The following GALNT6 variants were observed in gnomAD, a reference collection of about 807,000 sequenced individuals.
GALNT6 encodes GalNAc transferase 6.
In GALNT6, 51 loss-of-function variants were observed where a neutral mutation model predicts 65.9. The ratio of observed to expected loss-of-function variants is 0.77; its 90% CI spans 0.62 to 0.98. The LOEUF (loss-of-function observed/expected upper bound fraction) is 0.98, where lower values mean the gene tolerates loss of function less well. Among genes scored for constraint, GALNT6 ranks in the 50% least tolerant of loss-of-function variants. The pLI, the probability that GALNT6 is intolerant of heterozygous loss-of-function variation, is 0.00. For missense variants in GALNT6, 708 were observed against 803.3 expected, an observed-to-expected ratio of 0.88 and a Z score of 1.43; for synonymous variants, 323 against 315.1, an observed-to-expected ratio of 1.02 and a Z score of -0.26.
At chr12:51,371,230 C>T (rs1325287197) in intron 4 of GALNT6, among the ~76,000 whole-genome samples, 1 of 151,900 alleles carries the variant, frequency 6.6e-6, no homozygotes, top group Non-Finnish European at 1.5e-5. Context: ...ATTACAGGTG[C>T]CCACCACCAT....
chr12:51,360,331 A>C (rs1035890916), intron 7 of GALNT6: 1 of 155,098 alleles, frequency 6.4e-6, no homozygotes, highest in African/African-American at 2.4e-5. Context: ...TTTTCCAGAA[A>C]AAGGATGATG....
At position 51,362,766 on chromosome 12, in the gene GALNT6, G is replaced by A. The variant is rs560527933; in HGVS notation, c.1049+1355C>T. On this transcript the variant is annotated intron_variant, in intron 6 of 11. Coordinates refer to ENST00000356317, the MANE Select transcript of GALNT6 (RefSeq NM_007210.4). ...TTTCCTTTCCCTCTCTCCTTCTAAT[G>A]GAGACAGAGCAGCTGGCTGTTCAGG... Among the ~76,000 whole-genome samples, 3 of 152,164 alleles carry A rather than the reference G, an allele frequency of 2.0e-5. No homozygotes were observed. In the East Asian group the frequency reaches 5.8e-4, roughly 29 times the overall value.
In GALNT6 at chr12:51,359,201, C is replaced by G. The variant is rs758987497; in HGVS notation, c.1299G>C (p.Glu433Asp). The change falls in exon 8 of 12, where the codon GAG becomes GAC. Residue 433 changes from glutamate (E) to aspartate (D), a missense_variant. Physicochemically the swap from Glu to Asp is conservative, Grantham distance 45. Coordinates refer to ENST00000356317, the MANE Select transcript of GALNT6 (RefSeq NM_007210.4). ...VIARNQVRLAEVWMDSYKKIF... is the reference protein window; with the variant it reads ...VIARNQVRLADVWMDSYKKIF... ...TCTTCTTGTAGCTGTCCATCCAGACCTCTGCCAGGCGCACTTGATTGCGAG... is the reference window on the plus strand; with the variant it reads ...TCTTCTTGTAGCTGTCCATCCAGACGTCTGCCAGGCGCACTTGATTGCGAG... The G allele has an allele frequency of 6.2e-7, 1 of 1,614,198 alleles. No individual in the cohort carries two copies. The highest frequency in any genetic ancestry group is 8.5e-7 in the Non-Finnish European group (1 of 1,180,026).
At position 51,364,327 on chromosome 12, in the gene GALNT6, G is replaced by A. The variant is rs921437758; in HGVS notation, c.843C>T (p.Pro281=). 31 of 1,614,044 alleles carry A rather than the reference G, an allele frequency of 1.9e-5. No individual in the cohort carries two copies. Among genetic ancestry groups the A allele is most frequent in the Non-Finnish European group, 2.5e-5 (29 of 1,179,988 alleles). ...TGTCCTCAGCGATTCGAGCCAGGAGGGGCTCCAGCCAGCCGTGGAAGCACT... is the reference window on the plus strand; with the variant it reads ...TGTCCTCAGCGATTCGAGCCAGGAGAGGCTCCAGCCAGCCGTGGAAGCACT... ...HCECFHGWLE[P]LLARIAEDKT... The change falls in exon 6 of 12, where the codon CCC becomes CCT. Residue 281 remains proline (P), a synonymous_variant. Transcript: ENST00000356317.
At chr12:51,370,782 C>T (rs746240433) in intron 4 of GALNT6, among the ~76,000 whole-genome samples, 13 of 151,846 alleles carry the variant, frequency 8.6e-5, no homozygotes, top group Admixed American at 2.0e-4. Context: ...TGGTGACTCA[C>T]GCATGTAATC....
intron 4 of GALNT6, among the ~76,000 whole-genome samples, chr12:51,370,901 T>C (rs938607783): frequency 2.0e-5 from 3 of 151,894 alleles, no homozygotes; most frequent in African/African-American, 7.3e-5. Flanking sequence ...TGCACAATAA[T>C]GTGAATGCAT....
At chr12:51,384,984 TTTTC>T (rs1220234087) in intron 2 of GALNT6, among the ~76,000 whole-genome samples, 1 of 152,170 alleles carries the variant, frequency 6.6e-6, no homozygotes, top group Admixed American at 6.5e-5. Flanking sequence ...AGTATTCGTT[TTTTC>T]TTTCTTTCTT....
chr12:51,388,089 ACT>A (rs776481947), intron 2 of GALNT6, among the ~76,000 whole-genome samples: 57 of 151,744 alleles, frequency 3.8e-4, no homozygotes, highest in Non-Finnish European at 7.2e-4. Context: ...CCCCTGTCCC[ACT>A]CTCAGACAGG....
chr12:51,378,669 C>T (rs1947542527), intron 3 of GALNT6, among the ~76,000 whole-genome samples: 1 of 152,148 alleles, frequency 6.6e-6, no homozygotes, highest in African/African-American at 2.4e-5. Flanking sequence ...GACACACTGT[C>T]TTTAACTTGA....
chr12:51,375,475 T>C (rs1947421779), intron 4 of GALNT6, among the ~76,000 whole-genome samples: 1 of 152,166 alleles, frequency 6.6e-6, no homozygotes, highest in African/African-American at 2.4e-5. Flanking sequence ...ACACTCTTAC[T>C]TGATGCCAGC....
intron 4 of GALNT6, among the ~76,000 whole-genome samples, chr12:51,371,869 G>A (rs931827187): frequency 6.6e-6 from 1 of 152,194 alleles, no homozygotes; most frequent in East Asian, 1.9e-4. Context: ...GTTTGTGTGT[G>A]TGTGTAATGA....
Position 51,387,657 on chromosome 12 carries a change from G to A in GALNT6, c.-104+3193C>T, listed in dbSNP as rs971538634. ...TCCAGGTGGGGCAGGGGTGTGCAACGGTTTATCCCTAGGAGTGCAGAAGTG... is the reference window on the plus strand; with the variant it reads ...TCCAGGTGGGGCAGGGGTGTGCAACAGTTTATCCCTAGGAGTGCAGAAGTG... On this transcript the variant is annotated intron_variant, in intron 2 of 11. Coordinates refer to ENST00000356317, the MANE Select transcript of GALNT6 (RefSeq NM_007210.4). This position sits in a 1 kb window ranked among gnomAD's most constrained non-coding sequence, Gnocchi z 4.2. 3.3e-5 allele frequency among the ~76,000 whole-genome samples: 5 copies of A among 152,136 alleles called. No homozygotes were observed. The highest frequency in any genetic ancestry group is 6.5e-5 in the Admixed American group (1 of 15,278).
chr12:51,384,512 T>C (rs1947766750), intron 2 of GALNT6, among the ~76,000 whole-genome samples: 1 of 149,674 alleles, frequency 6.7e-6, no homozygotes, highest in South Asian at 2.2e-4. Flanking sequence ...GCCAACATGG[T>C]GAAACCCCTT....
intron 2 of GALNT6, among the ~76,000 whole-genome samples, chr12:51,385,695 C>A (rs1262003257): frequency 2.6e-5 from 4 of 152,120 alleles, no homozygotes; most frequent in African/African-American, 9.7e-5. Context: ...CCTTAGCACC[C>A]GATTTTTATT....
chr12:51,388,348 CTG>C (rs2137833282), intron 2 of GALNT6, among the ~76,000 whole-genome samples: 1 of 152,364 alleles, frequency 6.6e-6, no homozygotes, highest in South Asian at 2.1e-4. Flanking sequence ...CACTGTTTGA[CTG>C]TGGCAGAAAC....
intron 4 of GALNT6, among the ~76,000 whole-genome samples, chr12:51,375,086 A>G (rs1218118768): frequency 6.6e-6 from 1 of 152,042 alleles, no homozygotes; most frequent in Non-Finnish European, 1.5e-5. Flanking sequence ...CATGTTGCCC[A>G]GGCTGTCTTG....
At chr12:51,359,529 T>C in intron 7 of GALNT6, 197 bp from the exon 8 acceptor site, 2 of 485,866 alleles carry the variant, frequency 4.1e-6, no homozygotes, top group Non-Finnish European at 7.3e-6. Context: ...GGCTTTCTGA[T>C]GTTGGTTCAC....
At chr12:51,376,815 C>A (rs1947471561) in intron 4 of GALNT6, among the ~76,000 whole-genome samples, 2 of 152,254 alleles carry the variant, frequency 1.3e-5, no homozygotes, top group South Asian at 4.1e-4. Flanking sequence ...TACCTATCAA[C>A]AGCTATGGCA....
At chr12:51,378,562 A>G (rs1426553471) in intron 3 of GALNT6, among the ~76,000 whole-genome samples, 3 of 151,984 alleles carry the variant, frequency 2.0e-5, no homozygotes, top group Non-Finnish European at 2.9e-5. Flanking sequence ...TCACAGCCCT[A>G]AAGACTCACG....
Sources: allele counts gnomAD v4.1 joint callset (sites outside exome capture counted in the v4.1 genomes callset), GRCh38; gene constraint gnomAD v4.1.1; non-coding constraint Gnocchi (gnomAD v3.1); transcripts MANE v1.5; gene names NCBI Gene and HGNC (gene_info 2026-07-23, HGNC 2026-07-21).